Variants in CLTCL1 observed in about 807,000 individuals in gnomAD.
The protein encoded by CLTCL1 is clathrin heavy chain 2.
Under a neutral mutation model 190.0 loss-of-function variants are expected in CLTCL1, and 159 were observed. That is an observed-to-expected ratio of 0.84 (90% CI 0.74 to 0.95). The LOEUF is 0.95. Ranked by LOEUF, CLTCL1 falls within the 40% of genes least tolerant of loss-of-function variation. The pLI is 0.00. For synonymous variants in CLTCL1, 752 were observed against 769.6 expected, an observed-to-expected ratio of 0.98 and a Z score of 0.38; for missense variants, 1,878 against 2,033.4, an observed-to-expected ratio of 0.92 and a Z score of 1.47.
Position 19,254,870 on chromosome 22 carries a change from T to G in CLTCL1, c.251-643A>C, listed in dbSNP as rs146781228. ...ACAGCCCCATGTAGCTAATGTCCAA[T>G]AGGGCAGTACAATTCTAGACAAAAT... On this transcript the variant is annotated intron_variant, in intron 2 of 32. Transcript: ENST00000427926. Among the ~76,000 whole-genome samples, 733 of 152,344 alleles carry G rather than the reference T, an allele frequency of 4.8e-3. 6 individuals are homozygous for G. The highest frequency in any genetic ancestry group is 0.016 in the African/African-American group (662 of 41,578).
Position 19,278,180 on chromosome 22 carries a change from A to G in CLTCL1, c.43-2350T>C, listed in dbSNP as rs568217149. Among the ~76,000 whole-genome samples the G allele has an allele frequency of 1.1e-4, 16 of 152,260 alleles. 1 individual carries two copies. The South Asian group carries it at 3.3e-3, about 32-fold the overall frequency. On this transcript the variant is annotated intron_variant, in intron 1 of 32. Transcript: ENST00000427926. ...ACATCTATCTACACATCAGCACCAC[A>G]TTATTTTATTTATGGAGGTTTTGTA...
chr22:19,280,099 G>A (rs572057949), intron 1 of CLTCL1, among the ~76,000 whole-genome samples: 146 of 152,234 alleles, frequency 9.6e-4, no homozygotes, highest in African/African-American at 3.4e-3. Flanking sequence ...GTAACAATCA[G>A]AATCTTAACA....
chr22:19,254,866 C>T (rs539053171), intron 2 of CLTCL1, among the ~76,000 whole-genome samples: 2 of 152,250 alleles, frequency 1.3e-5, no homozygotes, highest in Admixed American at 1.3e-4. Flanking sequence ...TAGCTAATGT[C>T]CAATAGGGCA....
Position 19,179,898 on chromosome 22 carries a change from G to T in CLTCL1, c.*92C>A. The T allele has an allele frequency of 4.5e-6, 2 of 449,400 alleles. No homozygotes were observed. Among genetic ancestry groups the T allele is most frequent in the Admixed American group, 3.8e-5 (1 of 26,252 alleles). 27.8% of individuals were successfully genotyped at this position (449,400 alleles called of 1,614,324 possible). The stretch of plus-strand genomic sequence containing the variant: ...CCACTACACGCGGAAGTTGTACATT[G>T]GAGGCTGGCGAAGTTGGGAGCAGAG... On this transcript the variant is annotated 3_prime_UTR_variant, in exon 33 of 33. Transcript: ENST00000427926.
At chr22:19,281,208 T>C (rs1035443318) in intron 1 of CLTCL1, among the ~76,000 whole-genome samples, 2 of 148,584 alleles carry the variant, frequency 1.3e-5, no homozygotes, top group African/African-American at 5.0e-5. Context: ...GGCAGGAGAA[T>C]GGCGTGAACC....
chr22:19,263,517 C>T (rs2518835), intron 2 of CLTCL1, among the ~76,000 whole-genome samples: 8,972 of 152,182 alleles, frequency 0.059, 327 homozygotes, highest in Middle Eastern at 0.16. Context: ...CGGGTTCACA[C>T]CATTCTCCGC....
intron 10 of CLTCL1, 81 bp downstream of exon 10, chr22:19,232,394 AG>A: frequency 4.5e-6 from 7 of 1,571,396 alleles, no homozygotes; most frequent in Non-Finnish European, 5.2e-6. Flanking sequence ...CATTGAGACA[AG>A]TTAACAGGAA....
chr22:19,180,848 T>C, intron 30 of CLTCL1, 42 bp from the exon 31 acceptor site: 2 of 1,577,296 alleles, frequency 1.3e-6, no homozygotes, highest in South Asian at 1.1e-5. Context: ...CTTGACAGAG[T>C]GCAGTCCGGC....
At chr22:19,274,401 A>G (rs2087427182) in intron 2 of CLTCL1, among the ~76,000 whole-genome samples, 1 of 152,210 alleles carries the variant, frequency 6.6e-6, no homozygotes, top group Admixed American at 6.5e-5. Context: ...TGACAAAGTA[A>G]GAGACAGATA....
At chr22:19,260,621 T>C (rs986754634) in intron 2 of CLTCL1, among the ~76,000 whole-genome samples, 3 of 151,518 alleles carry the variant, frequency 2.0e-5, no homozygotes, top group South Asian at 4.2e-4. Flanking sequence ...CTACTAAAAA[T>C]ACAAAAAATT....
chr22:19,258,171 A>AAGAGGGAG (rs1156682586), intron 2 of CLTCL1: 33 of 353,704 alleles, frequency 9.3e-5, no homozygotes, highest in African/African-American at 7.0e-4. Flanking sequence ...AAGAACCATG[A>AAGAGGGAG]AGAGGGAGTA....
chr22:19,193,596 C>T (rs970391630), intron 26 of CLTCL1, among the ~76,000 whole-genome samples: 10 of 152,210 alleles, frequency 6.6e-5, no homozygotes, highest in African/African-American at 2.4e-4. Context: ...GAAGGCTGGG[C>T]GTGGTGGCTC....
chr22:19,211,303 T>C (rs1555946586), intron 19 of CLTCL1, among the ~76,000 whole-genome samples: 1 of 152,144 alleles, frequency 6.6e-6, no homozygotes, highest in Non-Finnish European at 1.5e-5. Flanking sequence ...GTTAACATCA[T>C]AAGTAACAGA....
chr22:19,195,545 AGT>A (rs1251125505), intron 26 of CLTCL1, among the ~76,000 whole-genome samples: 1 of 20,574 alleles, frequency 4.9e-5, no homozygotes, highest in Non-Finnish European at 7.7e-5. Context: ...GTGACAAGTT[AGT>A]TACCCAAAGA....
At chr22:19,258,680 CT>C (rs2086846120) in intron 2 of CLTCL1, 1 of 662,420 alleles carries the variant, frequency 1.5e-6, no homozygotes, top group Non-Finnish European at 2.8e-6. Context: ...ATGGGGAGGA[CT>C]TCAATCTTGG....
intron 31 of CLTCL1, 82 bp from the exon 32 acceptor site, chr22:19,180,320 C>T: frequency 2.8e-6 from 4 of 1,413,034 alleles, no homozygotes; most frequent in Non-Finnish European, 4.0e-6. Context: ...TGCACACTCA[C>T]ACCACACCCT....
At chr22:19,258,021 A>C in intron 2 of CLTCL1, 1 of 515,186 alleles carries the variant, frequency 1.9e-6, no homozygotes, top group East Asian at 5.3e-5. Flanking sequence ...TTTAGAGTCA[A>C]GTATGAGACA....
chr22:19,184,595 C>T (rs976025371), intron 29 of CLTCL1: 4 of 455,494 alleles, frequency 8.8e-6, no homozygotes, highest in African/African-American at 4.0e-5. Context: ...TTTGGGTCTC[C>T]GCTTTGAGGA....
chr22:19,242,444 C>T (rs1052691080), intron 4 of CLTCL1, among the ~76,000 whole-genome samples: 4 of 152,066 alleles, frequency 2.6e-5, no homozygotes, highest in Admixed American at 6.6e-5. Flanking sequence ...TATAAGAATG[C>T]GCCACCATGC....
Sources: gnomAD v4.1 joint callset for allele counts (sites outside exome capture counted in the v4.1 genomes callset) on GRCh38, gnomAD v4.1.1 for gene constraint, MANE v1.5 for transcripts, NCBI Gene and HGNC (gene_info 2026-07-23, HGNC 2026-07-21) for gene names.